Variants in TENM2 observed in about 807,000 individuals in gnomAD.
TENM2 encodes teneurin transmembrane protein 2, also known as teneurin-2.
TENM2 carries 52 observed loss-of-function variants against 245.2 expected under a neutral mutation model. The observed-to-expected ratio is 0.21, with a 90% CI of 0.17 to 0.27. TENM2 has a LOEUF of 0.27. Among genes scored for constraint, TENM2 ranks in the 10% least tolerant of loss-of-function variants. The pLI is 1.00. For synonymous variants in TENM2, 1,363 were observed against 1,438.9 expected (o/e 0.95, Z 1.19); for missense variants, 3,046 against 3,666.8 (o/e 0.83, Z 4.37).
intron 25 of TENM2, chr5:168,229,439 G>GGCAT: frequency 6.6e-6 from 1 of 152,216 alleles, no homozygotes; most frequent in Non-Finnish European, 1.5e-5. Context: ...GGAATGTAAT[G>GGCAT]GCATACAAAG....
the TENM2 span, among the ~76,000 whole-genome samples, chr5:167,094,818 G>A: frequency 2.0e-5 from 3 of 152,166 alleles, no homozygotes; most frequent in Non-Finnish European, 4.4e-5. Context: ...TTTCTCAGGG[G>A]CAAGTGAATT....
intron 17 of TENM2, 51 bp from the exon 20 acceptor site, chr5:168,203,638 A>G: frequency 6.6e-7 from 1 of 1,522,622 alleles, no homozygotes. Context: ...TGGAGTAATC[A>G]AGTAAACTCT....
chr5:167,405,597 G>C (rs1016283418), intron 2 of TENM2, among the ~76,000 whole-genome samples: 4 of 151,964 alleles, frequency 2.6e-5, no homozygotes, highest in East Asian at 1.9e-4. Context: ...GCAAGTGAAG[G>C]CTTCAGAGAC....
In TENM2 at chr5:168,066,011, G is replaced by A. The variant is rs566485248; in HGVS notation, c.1515+3746G>A. On this transcript the variant is annotated intron_variant, in intron 7 of 28. Coordinates refer to ENST00000518659, the Ensembl canonical transcript of TENM2. Reference sequence around the variant, plus strand: ...GGTTGCTACTAGTACCTAGTGGATAGAGGCCAAGGATGCTGCTAAACACCC... The same window carrying A: ...GGTTGCTACTAGTACCTAGTGGATAAAGGCCAAGGATGCTGCTAAACACCC... 1.1e-4 allele frequency among the ~76,000 whole-genome samples: 16 copies of A among 152,288 alleles called. No individual in the cohort carries two copies. In the South Asian group the frequency reaches 3.3e-3, roughly 32 times the overall value.
intron 1 of TENM2, among the ~76,000 whole-genome samples, chr5:167,305,992 G>A (rs1013049270): frequency 1.4e-4 from 21 of 152,240 alleles, no homozygotes; most frequent in African/African-American, 4.6e-4. Flanking sequence ...TGAAGAAGTC[G>A]CTGGCTTCTC....
At chr5:168,100,264 A>C (rs995285561) in intron 9 of TENM2, among the ~76,000 whole-genome samples, 2 of 152,172 alleles carry the variant, frequency 1.3e-5, no homozygotes, top group South Asian at 4.1e-4. Flanking sequence ...GAGAAATAGG[A>C]ATGCCTTTAC....
chr5:167,805,387 G>A (rs2150967491), intron 2 of TENM2, among the ~76,000 whole-genome samples: 1 of 152,274 alleles, frequency 6.6e-6, no homozygotes, highest in South Asian at 2.1e-4. Context: ...AGACGCCTGT[G>A]TTTTTATGAA....
chr5:167,024,225 T>G, the TENM2 span, among the ~76,000 whole-genome samples: 1 of 152,198 alleles, frequency 6.6e-6, no homozygotes, highest in Non-Finnish European at 1.5e-5. Flanking sequence ...CCTAAAACTA[T>G]GCAAACATCT....
chr5:167,519,473 A>G (rs1386025664), intron 2 of TENM2, among the ~76,000 whole-genome samples: 1 of 152,168 alleles, frequency 6.6e-6, no homozygotes, highest in Admixed American at 6.5e-5. Flanking sequence ...AACTAATGGC[A>G]TTGGTGCTTA....
At chr5:167,271,891 G>T in the TENM2 span, among the ~76,000 whole-genome samples, 1 of 152,092 alleles carries the variant, frequency 6.6e-6, no homozygotes, top group African/African-American at 2.4e-5. Context: ...AATTTCCTTT[G>T]ACCTCTTATT....
chr5:167,317,513 G>A (rs1756439080), intron 1 of TENM2, among the ~76,000 whole-genome samples: 1 of 151,146 alleles, frequency 6.6e-6, no homozygotes, highest in African/African-American at 2.4e-5. Context: ...GGATCCCTGA[G>A]CATCTGTCTA....
intron 2 of TENM2, among the ~76,000 whole-genome samples, chr5:167,518,531 A>T (rs2127578996): frequency 6.6e-6 from 1 of 152,302 alleles, no homozygotes; most frequent in African/African-American, 2.4e-5. Context: ...AAATGTCCAG[A>T]TAATGTGCAC....
chr5:167,552,840 C>G (rs1773041304), intron 2 of TENM2, among the ~76,000 whole-genome samples: 1 of 152,176 alleles, frequency 6.6e-6, no homozygotes, highest in African/African-American at 2.4e-5. Context: ...CATGAACTTT[C>G]TTCATTTGAC....
intron 3 of TENM2, among the ~76,000 whole-genome samples, chr5:167,880,822 G>A (rs1353383108): frequency 6.6e-6 from 1 of 152,200 alleles, no homozygotes; most frequent in African/African-American, 2.4e-5. Context: ...TTCTTATAAA[G>A]GACCATGTAA....
In TENM2 at chr5:167,776,656, TA is replaced by T. The variant is rs1442616088; in HGVS notation, c.503-99329del. 3.2e-3 allele frequency among the ~76,000 whole-genome samples: 429 copies of T among 134,538 alleles called. 4 individuals are homozygous for T. The highest frequency in any genetic ancestry group is 5.9e-3 in the African/African-American group (205 of 35,006). The allele number at this position is 134,538 out of a possible 152,430, so 88.3% of individuals were successfully genotyped here. On this transcript the variant is annotated intron_variant, in intron 2 of 28. Transcript: ENST00000518659. ...ATATATGTATCTATATATATATATA[TA>T]TATATATTTTTCATTAACCTTATGC...
chr5:167,524,900 A>T (rs1771005368), intron 2 of TENM2, among the ~76,000 whole-genome samples: 1 of 151,756 alleles, frequency 6.6e-6, no homozygotes, highest in Non-Finnish European at 1.5e-5. Context: ...TTAAACTCTC[A>T]TCCCACCTGG....
At chr5:167,634,190 AAC>A (rs1439517139) in intron 2 of TENM2, among the ~76,000 whole-genome samples, 10 of 152,206 alleles carry the variant, frequency 6.6e-5, no homozygotes, top group African/African-American at 2.4e-4. Flanking sequence ...GTTTTTAAGA[AAC>A]AGTTTTGTAA....
At position 167,672,516 on chromosome 5, in the gene TENM2, C is replaced by T. The variant is rs1383648104; in HGVS notation, c.503-203470C>T. On this transcript the variant is annotated intron_variant, in intron 2 of 28. Transcript: ENST00000518659. Reference sequence around the variant, plus strand: ...ACTAGAGGGGTGAATGGATCACATACATACCCCACAGGCAAGTTTCCTAAC... The same window carrying T: ...ACTAGAGGGGTGAATGGATCACATATATACCCCACAGGCAAGTTTCCTAAC... Among the ~76,000 whole-genome samples the T allele has an allele frequency of 3.9e-5, 6 of 152,050 alleles. 1 individual carries two copies. The highest frequency in any genetic ancestry group is 2.6e-4 in the Admixed American group (4 of 15,226).
At chr5:167,351,095 GATAT>G (rs113746660) in intron 1 of TENM2, among the ~76,000 whole-genome samples, 2 of 81,300 alleles carry the variant, frequency 2.5e-5, no homozygotes, top group Admixed American at 1.9e-4. Flanking sequence ...TATACATATG[GATAT>G]ATATATATGG....
Sources: gnomAD v4.1 joint callset for allele counts (sites outside exome capture counted in the v4.1 genomes callset) on GRCh38, gnomAD v4.1.1 for gene constraint, MANE v1.5 for transcripts, NCBI Gene and HGNC (gene_info 2026-07-23, HGNC 2026-07-21) for gene names.